TRIM9: variants seen among roughly 807,000 people sequenced by gnomAD.
TRIM9 encodes the protein tripartite motif containing 9, also known as E3 ubiquitin-protein ligase TRIM9.
In TRIM9, 26 loss-of-function variants were observed where a neutral mutation model predicts 78.3. That is an observed-to-expected ratio of 0.33 (90% CI 0.24 to 0.46). TRIM9 has a LOEUF of 0.46. Ranked by LOEUF, TRIM9 falls within the 20% of genes least tolerant of loss-of-function variation. The pLI is 1.00. For missense variants in TRIM9, 787 were observed against 1,036.4 expected (o/e 0.76, Z 3.30); for synonymous variants, 398 against 416.5 (o/e 0.96, Z 0.54).
At chr14:51,013,508 G>A (rs747640277) in intron 3 of TRIM9, among the ~76,000 whole-genome samples, 37 of 151,968 alleles carry the variant, frequency 2.4e-4, no homozygotes, top group African/African-American at 8.2e-4. Context: ...TATTTACATC[G>A]CCCAATTTTC....
intron 6 of TRIM9, 41 bp from the exon 7 acceptor site, chr14:50,998,229 C>A: frequency 6.3e-7 from 1 of 1,598,406 alleles, no homozygotes; most frequent in Non-Finnish European, 8.6e-7. Context: ...TAGCCTGCCC[C>A]CTTCTGAGGG....
chr14:51,025,364 C>G lies in TRIM9; in HGVS notation c.823-4G>C. 1 of 1,613,846 alleles carries G rather than the reference C, an allele frequency of 6.2e-7. No homozygotes were observed. Among genetic ancestry groups the G allele is most frequent in the Non-Finnish European group, 8.5e-7 (1 of 1,179,892 alleles). ...TCAGCGCCTGGGAGAGCTGGCTCTG[C>G]AAAGACAAAGAAGGAAGCCATGGAG... is the stretch of plus-strand genomic sequence containing the variant. On this transcript the variant is annotated splice_region_variant and splice_polypyrimidine_tract_variant and intron_variant, in intron 1 of 12. Transcript: ENST00000684578.
chr14:50,985,601 C>T (rs1295817825), intron 8 of TRIM9, among the ~76,000 whole-genome samples: 1 of 152,236 alleles, frequency 6.6e-6, no homozygotes, highest in Non-Finnish European at 1.5e-5. Context: ...CAAACCTCCA[C>T]ATTACTGCCA....
intron 1 of TRIM9, among the ~76,000 whole-genome samples, chr14:51,044,736 G>C (rs535578458): frequency 2.0e-5 from 3 of 152,270 alleles, no homozygotes; most frequent in African/African-American, 7.2e-5. Flanking sequence ...ATGAGTTTAA[G>C]CCAACCTTGT....
At chr14:51,054,311 T>TGTTGTTGTTGTC (rs1012351499) in intron 1 of TRIM9, among the ~76,000 whole-genome samples, 11 of 151,974 alleles carry the variant, frequency 7.2e-5, no homozygotes, top group African/African-American at 2.2e-4. Context: ...TTGTTGTTGT[T>TGTTGTTGTTGTC]GTCCAGGCTG....
At chr14:51,023,773 A>G (rs1213149908) in intron 2 of TRIM9, among the ~76,000 whole-genome samples, 1 of 152,248 alleles carries the variant, frequency 6.6e-6, no homozygotes, top group Non-Finnish European at 1.5e-5. Context: ...AATCTGAAAA[A>G]AAGTAATTTA....
At chr14:51,034,417 C>T (rs989839956) in intron 1 of TRIM9, among the ~76,000 whole-genome samples, 3 of 152,054 alleles carry the variant, frequency 2.0e-5, no homozygotes, top group South Asian at 2.1e-4. Flanking sequence ...AATGAGATTC[C>T]GTTCTTTGCT....
Position 51,032,631 on chromosome 14 carries a change from TGGATCTACCAA to T in TRIM9, c.823-7282_823-7272del, listed in dbSNP as rs1320159140. Among the ~76,000 whole-genome samples the T allele has an allele frequency of 3.9e-5, 6 of 152,332 alleles. No individual in the cohort carries two copies. The East Asian group carries it at 7.7e-4, about 20-fold the overall frequency. On this transcript the variant is annotated intron_variant, in intron 1 of 12. Transcript: ENST00000684578. ...CAATCCTGGCTTCCTCACTTCCAGGTGGATCTACCAAGAGCACACAACAACTAACTATCTCT... is the reference window on the plus strand; with the variant it reads ...CAATCCTGGCTTCCTCACTTCCAGGTGAGCACACAACAACTAACTATCTCT...
chr14:51,058,964 GTTGCGGAATC>G, intron 1 of TRIM9, among the ~76,000 whole-genome samples: 1 of 152,218 alleles, frequency 6.6e-6, no homozygotes, highest in East Asian at 1.9e-4. Flanking sequence ...GGAAAGAAGG[GTTGCGGAATC>G]TTGGGCTGAC....
intron 1 of TRIM9, among the ~76,000 whole-genome samples, chr14:51,066,820 G>T: frequency 6.6e-6 from 1 of 152,214 alleles, no homozygotes; most frequent in East Asian, 1.9e-4. Flanking sequence ...AGTTTGAACA[G>T]GTGGTCGCCT....
Position 51,094,620 on chromosome 14 carries a change from G to T in TRIM9, c.320C>A (p.Pro107Gln). Residue 107 changes from proline to glutamine, a missense_variant, in exon 1 of 13, where the codon CCG (proline) becomes CAG (glutamine). Coordinates refer to ENST00000684578, the MANE Select transcript of TRIM9 (RefSeq NM_001387360.1). ...CGGTGACAAGTGGGTGGCCGGTGGC[G>T]GCATAGCCGGGGGAAACACGCGGAC... ...NGVRVFPPAM[P>Q]PPATHLSPAL... 6.2e-7 allele frequency: 1 copy of T among 1,608,438 alleles called. No individual in the cohort carries two copies. The highest frequency in any genetic ancestry group is 8.5e-7 in the Non-Finnish European group (1 of 1,176,610).
chr14:51,000,272 G>T (rs1280603056), intron 6 of TRIM9, among the ~76,000 whole-genome samples: 5 of 152,214 alleles, frequency 3.3e-5, no homozygotes, highest in African/African-American at 1.2e-4. Flanking sequence ...GTTCTAGGCA[G>T]CATGCTAAGA....
At chr14:51,027,837 C>CTT (rs5808589) in intron 1 of TRIM9, among the ~76,000 whole-genome samples, 1,896 of 150,138 alleles carry the variant, frequency 0.013, 35 homozygotes, top group African/African-American at 0.043. Context: ...GAACTCATAT[C>CTT]TTTTTTTTTT....
chr14:51,082,511 T>C (rs1367156505), intron 1 of TRIM9, among the ~76,000 whole-genome samples: 1 of 152,184 alleles, frequency 6.6e-6, no homozygotes, highest in Non-Finnish European at 1.5e-5. Flanking sequence ...AGAAGACAGA[T>C]GCAAAAGGCC....
At chr14:51,036,756 C>T (rs2059190793) in intron 1 of TRIM9, among the ~76,000 whole-genome samples, 1 of 151,950 alleles carries the variant, frequency 6.6e-6, no homozygotes. Context: ...ACTGTATATC[C>T]TCTCTCTCAC....
intron 8 of TRIM9, among the ~76,000 whole-genome samples, chr14:50,984,717 C>T (rs549198849): frequency 2.6e-5 from 4 of 152,296 alleles, no homozygotes; most frequent in African/African-American, 9.6e-5. Flanking sequence ...CATTATCATA[C>T]ATTTAAGATT....
chr14:51,027,043 T>A (rs1260177228), intron 1 of TRIM9, among the ~76,000 whole-genome samples: 1 of 152,114 alleles, frequency 6.6e-6, no homozygotes, highest in African/African-American at 2.4e-5. Context: ...TTGTGGGCAT[T>A]GCATAAGATA....
rs74052594 is a variant in TRIM9, at chr14:51,043,061, T to C, written c.823-17701A>G. ...CCTAAAATGTATACATGATATAGTGTTTCTTCCTCTGAATTTCTAAGAATG... is the reference window on the plus strand; with the variant it reads ...CCTAAAATGTATACATGATATAGTGCTTCTTCCTCTGAATTTCTAAGAATG... On this transcript the variant is annotated intron_variant, in intron 1 of 12. Coordinates refer to ENST00000684578, the MANE Select transcript of TRIM9 (RefSeq NM_001387360.1). 9.4e-3 allele frequency among the ~76,000 whole-genome samples: 1,431 copies of C among 152,328 alleles called. 22 individuals carry two copies. Among genetic ancestry groups the C allele is most frequent in the African/African-American group, 0.033 (1,375 of 41,566 alleles).
At chr14:50,989,534 T>C (rs960482317) in intron 7 of TRIM9, among the ~76,000 whole-genome samples, 3 of 152,206 alleles carry the variant, frequency 2.0e-5, no homozygotes, top group African/African-American at 7.2e-5. Flanking sequence ...ATAATAATTA[T>C]TATTAATTTT....
Sources: gnomAD v4.1 joint callset for allele counts (sites outside exome capture counted in the v4.1 genomes callset) on GRCh38, gnomAD v4.1.1 for gene constraint, MANE v1.5 for transcripts, NCBI Gene and HGNC (gene_info 2026-07-23, HGNC 2026-07-21) for gene names.